UXS1: variants seen among roughly 807,000 people sequenced by gnomAD.
The protein encoded by UXS1 is UDP-glucuronate decarboxylase 1, also known as UDP-glucuronic acid decarboxylase 1.
In UXS1, 33 loss-of-function variants were observed where a neutral mutation model predicts 62.6. The observed-to-expected ratio is 0.53, with a 90% CI of 0.40 to 0.70. The LOEUF (loss-of-function observed/expected upper bound fraction) is 0.70, where lower values mean the gene tolerates loss of function less well. UXS1 is among the 30% of genes least tolerant of loss of function. The pLI is 0.00. For missense variants in UXS1, 434 were observed against 556.3 expected, an observed-to-expected ratio of 0.78 and a Z score of 2.21; for synonymous variants, 213 against 206.8, an observed-to-expected ratio of 1.03 and a Z score of -0.26.
chr2:106,176,205 C>T (rs535667804), intron 1 of UXS1, among the ~76,000 whole-genome samples: 28 of 152,250 alleles, frequency 1.8e-4, no homozygotes, highest in African/African-American at 6.5e-4. Flanking sequence ...CACCTCCCAT[C>T]TGAAGAAAAC....
chr2:106,143,639 G>T lies in UXS1; in HGVS notation c.472+1551C>A, dbSNP rs539051298. Among the ~76,000 whole-genome samples the T allele has an allele frequency of 2.6e-5, 4 of 152,220 alleles. No homozygotes were observed. The South Asian group carries it at 8.3e-4, about 32-fold the overall frequency. ...CCTGCCCCCAGGCAGAAATCAAGGT[G>T]TCAGCAGGGCTGTGTTCCTTTCTTC... On this transcript the variant is annotated intron_variant, in intron 6 of 14. Coordinates refer to ENST00000283148, the MANE Select transcript of UXS1 (RefSeq NM_001253875.2).
intron 5 of UXS1, 100 bp downstream of exon 5, chr2:106,157,957 GT>G (rs1237543000): frequency 9.5e-7 from 1 of 1,049,302 alleles, no homozygotes; most frequent in Non-Finnish European, 1.4e-6. Flanking sequence ...CCACTGAATC[GT>G]ATCTTTGAGA....
At chr2:106,175,669 C>T (rs2105090284) in intron 1 of UXS1, among the ~76,000 whole-genome samples, 1 of 152,268 alleles carries the variant, frequency 6.6e-6, no homozygotes, top group Non-Finnish European at 1.5e-5. Flanking sequence ...CCACGTGAGG[C>T]CAGACAGGTT....
At chr2:106,117,771 C>T (rs1011076702) in intron 9 of UXS1, among the ~76,000 whole-genome samples, 1 of 152,212 alleles carries the variant, frequency 6.6e-6, no homozygotes, top group Non-Finnish European at 1.5e-5. Flanking sequence ...AGGGCTGAAC[C>T]CCCTAACTCC....
At chr2:106,152,112 T>C (rs180748333) in intron 5 of UXS1, among the ~76,000 whole-genome samples, 1 of 152,354 alleles carries the variant, frequency 6.6e-6, no homozygotes, top group Non-Finnish European at 1.5e-5. Context: ...GTGGTCCAAA[T>C]TATTTTTTTA....
chr2:106,104,477 AAGG>A (rs1677882034), intron 11 of UXS1, among the ~76,000 whole-genome samples: 1 of 152,198 alleles, frequency 6.6e-6, no homozygotes, highest in Non-Finnish European at 1.5e-5. Context: ...CTGGATGCAA[AAGG>A]CCATCTCTTA....
intron 5 of UXS1, among the ~76,000 whole-genome samples, chr2:106,154,545 C>T (rs1682280770): frequency 6.6e-6 from 1 of 152,138 alleles, no homozygotes; most frequent in Non-Finnish European, 1.5e-5. Context: ...GGATTGCTGG[C>T]AATACGAGAA....
intron 5 of UXS1, chr2:106,145,573 A>AC: frequency 2.1e-6 from 1 of 480,516 alleles, no homozygotes; most frequent in Non-Finnish European, 3.5e-6. Flanking sequence ...GTAAACTCCT[A>AC]AGCAGCCTAA....
At position 106,164,765 on chromosome 2, in the gene UXS1, C is replaced by T; in HGVS notation, c.157G>A (p.Glu53Lys). The change falls in exon 3 of 15, where the codon GAA (glutamate) becomes AAA (lysine). Residue 53 changes from glutamate to lysine, a missense_variant. Glu to Lys is a moderately conservative substitution (Grantham distance 56). Transcript: ENST00000283148. Reference protein sequence around the residue: ...LLNRSIQENGELKIESKIEEM... With the variant: ...LLNRSIQENGKLKIESKIEEM... ...TCAATCTTGCTTTCAATTTTTAGTT[C>T]ACCATTTTCCTGGATAGACCTGTTG... 1.3e-6 allele frequency: 2 copies of T among 1,590,642 alleles called. No homozygotes were observed. Among genetic ancestry groups the T allele is most frequent in the Non-Finnish European group, 8.6e-7 (1 of 1,167,926 alleles).
At chr2:106,182,031 G>A (rs898886542) in intron 1 of UXS1, among the ~76,000 whole-genome samples, 1 of 152,206 alleles carries the variant, frequency 6.6e-6, no homozygotes, top group Non-Finnish European at 1.5e-5. Context: ...AGTTTTGTTA[G>A]TAATATATTT....
At chr2:106,097,442 T>C (rs1011406679) in intron 13 of UXS1, 2 of 345,920 alleles carry the variant, frequency 5.8e-6, no homozygotes, top group Admixed American at 7.6e-5. Context: ...TTTCCCTGCC[T>C]CCGTGTCATG....
chr2:106,142,877 T>A (rs1484910917), intron 6 of UXS1, among the ~76,000 whole-genome samples: 1 of 152,106 alleles, frequency 6.6e-6, no homozygotes, highest in Non-Finnish European at 1.5e-5. Flanking sequence ...ATTTATTGTA[T>A]GACTTCATTC....
intron 1 of UXS1, among the ~76,000 whole-genome samples, chr2:106,176,055 C>T (rs1489063881): frequency 6.6e-6 from 1 of 152,144 alleles, no homozygotes; most frequent in Non-Finnish European, 1.5e-5. Flanking sequence ...TGTATCTGTG[C>T]CCTCCTCCAG....
intron 10 of UXS1, among the ~76,000 whole-genome samples, chr2:106,105,823 G>A (rs183041472): frequency 7.7e-4 from 117 of 152,338 alleles, no homozygotes; most frequent in Admixed American, 2.5e-3. Flanking sequence ...GTGCCCTCGG[G>A]GGTTTTGTTT....
intron 10 of UXS1, among the ~76,000 whole-genome samples, chr2:106,105,564 C>T (rs550281223): frequency 3.3e-5 from 5 of 152,164 alleles, no homozygotes; most frequent in Non-Finnish European, 7.3e-5. Flanking sequence ...CCTGGAGAAG[C>T]TTCTCTGGCT....
intron 1 of UXS1, among the ~76,000 whole-genome samples, chr2:106,189,437 CATT>C (rs138066643): frequency 9.2e-5 from 14 of 152,332 alleles, no homozygotes; most frequent in Non-Finnish European, 1.5e-4. Context: ...TGAGTATCAT[CATT>C]GTCAAGCTGA....
intron 6 of UXS1, chr2:106,138,696 T>G (rs1680856694): frequency 1.0e-6 from 1 of 985,384 alleles, no homozygotes. Context: ...GTCCCACTGC[T>G]GCTCCGGAAG....
chr2:106,192,480 G>A (rs895431055), intron 1 of UXS1, among the ~76,000 whole-genome samples: 1 of 152,046 alleles, frequency 6.6e-6, no homozygotes. Context: ...CGTGAACCCG[G>A]GAGGTGGAGC....
intron 13 of UXS1, chr2:106,097,417 A>C (rs1230071540): frequency 5.7e-6 from 2 of 348,992 alleles, no homozygotes; most frequent in African/African-American, 2.1e-5. Context: ...CCTGCAGAAG[A>C]AAGCCTGTGG....
Sources: allele counts gnomAD v4.1 joint callset (sites outside exome capture counted in the v4.1 genomes callset), GRCh38; gene constraint gnomAD v4.1.1; transcripts MANE v1.5; gene names NCBI Gene and HGNC (gene_info 2026-07-23, HGNC 2026-07-21).